RYR3: variants seen among roughly 807,000 people sequenced by gnomAD.
RYR3 encodes the protein ryanodine receptor 3, also known as brain ryanodine receptor-calcium release channel.
RYR3 carries 207 observed loss-of-function variants against 584.3 expected under a neutral mutation model. The observed-to-expected ratio is 0.35, with a 90% CI of 0.32 to 0.40. The LOEUF is 0.40. RYR3 is among the 10% of genes least tolerant of loss of function. The probability of loss-of-function intolerance (pLI) is 1.00; values close to 1 mark genes in which losing one functional copy is unlikely to be tolerated. For missense variants in RYR3, 5,616 were observed against 6,089.2 expected (o/e 0.92, Z 2.59); for synonymous variants, 2,416 against 2,248.5 (o/e 1.07, Z -2.11).
At chr15:33,541,707 CAG>C (rs1194360161) in intron 7 of RYR3, among the ~76,000 whole-genome samples, 1 of 152,152 alleles carries the variant, frequency 6.6e-6, no homozygotes, top group East Asian at 1.9e-4. Flanking sequence ...AGAAGGAAAA[CAG>C]AGTTGTCAAG....
intron 1 of RYR3, among the ~76,000 whole-genome samples, chr15:33,361,207 TCTC>T (rs1401589644): frequency 6.6e-6 from 1 of 152,138 alleles, no homozygotes; most frequent in Non-Finnish European, 1.5e-5. Flanking sequence ...GGATCTCAGT[TCTC>T]CTCTTTGGTA....
intron 1 of RYR3, among the ~76,000 whole-genome samples, chr15:33,462,044 G>A (rs972967338): frequency 1.3e-5 from 2 of 152,206 alleles, no homozygotes; most frequent in Non-Finnish European, 2.9e-5. Context: ...TAAGAAACTA[G>A]TCCTGGACAG....
At chr15:33,339,686 C>G (rs946494316) in intron 1 of RYR3, among the ~76,000 whole-genome samples, 12 of 152,098 alleles carry the variant, frequency 7.9e-5, no homozygotes, top group East Asian at 1.9e-4. Context: ...TCAGGAGATC[C>G]AGACCATCCT....
intron 1 of RYR3, among the ~76,000 whole-genome samples, chr15:33,452,732 C>T (rs1210743993): frequency 6.6e-6 from 1 of 152,062 alleles, no homozygotes; most frequent in Non-Finnish European, 1.5e-5. Context: ...CCAAAAGTTA[C>T]ATGGTGAGGT....
chr15:33,693,393 C>T (rs1308775506), intron 38 of RYR3, among the ~76,000 whole-genome samples: 2 of 152,218 alleles, frequency 1.3e-5, no homozygotes, highest in African/African-American at 4.8e-5. Context: ...AGCCTGGCCT[C>T]CTGGGGCCTC....
At chr15:33,787,616 C>T (rs990459457) in intron 66 of RYR3, among the ~76,000 whole-genome samples, 2 of 152,102 alleles carry the variant, frequency 1.3e-5, no homozygotes, top group South Asian at 2.1e-4. Flanking sequence ...TAGTGATCAC[C>T]CCAGCCTCTT....
intron 19 of RYR3, among the ~76,000 whole-genome samples, chr15:33,614,198 T>C (rs998941486): frequency 6.6e-6 from 1 of 152,208 alleles, no homozygotes; most frequent in Non-Finnish European, 1.5e-5. Context: ...TTTTCAGTCT[T>C]TCATTTATTC....
chr15:33,477,170 A>G (rs1310347095), intron 2 of RYR3, among the ~76,000 whole-genome samples: 1 of 152,174 alleles, frequency 6.6e-6, no homozygotes, highest in African/African-American at 2.4e-5. Context: ...TACAGAGCCT[A>G]CCGGTGACCT....
intron 1 of RYR3, among the ~76,000 whole-genome samples, chr15:33,386,054 C>T (rs1444754124): frequency 6.6e-6 from 1 of 152,044 alleles, no homozygotes; most frequent in Admixed American, 6.5e-5. Flanking sequence ...AAAAACAATC[C>T]TTCTTCAAGA....
intron 1 of RYR3, among the ~76,000 whole-genome samples, chr15:33,327,278 T>TATCA: frequency 6.6e-6 from 1 of 152,288 alleles, no homozygotes; most frequent in South Asian, 2.1e-4. Flanking sequence ...GAAAGTTGAG[T>TATCA]ATCAGCAGCA....
intron 1 of RYR3, among the ~76,000 whole-genome samples, chr15:33,401,019 C>A (rs570355120): frequency 1.3e-5 from 2 of 152,294 alleles, no homozygotes; most frequent in African/African-American, 4.8e-5. Context: ...GGTTCTGTAA[C>A]ATATATTTTC....
At chr15:33,563,435 C>A (rs11637818) in intron 11 of RYR3, among the ~76,000 whole-genome samples, 101,555 of 152,030 alleles carry the variant, frequency 0.67, 34,661 homozygotes, top group Middle Eastern at 0.76. Flanking sequence ...CAGGAACCCA[C>A]TGGCAGAAAG....
intron 1 of RYR3, among the ~76,000 whole-genome samples, chr15:33,427,492 A>G (rs747966725): frequency 4.6e-5 from 7 of 152,188 alleles, no homozygotes; most frequent in Non-Finnish European, 1.0e-4. Flanking sequence ...GCTCACAACT[A>G]CATTTTTTTG....
intron 43 of RYR3, 50 bp from the exon 44 acceptor site, chr15:33,722,665 T>A: frequency 6.6e-7 from 1 of 1,514,546 alleles, no homozygotes. Flanking sequence ...AGAAATAAAT[T>A]CTGGGGTTGT....
intron 2 of RYR3, among the ~76,000 whole-genome samples, chr15:33,476,281 A>G (rs749206321): frequency 1.3e-5 from 2 of 152,218 alleles, no homozygotes; most frequent in Non-Finnish European, 2.9e-5. Context: ...CATAGAAACG[A>G]TAAGTCATAC....
intron 12 of RYR3, 79 bp downstream of exon 12, chr15:33,566,878 T>G (rs2057746158): frequency 6.8e-7 from 1 of 1,470,160 alleles, no homozygotes; most frequent in African/African-American, 1.4e-5. Flanking sequence ...CTCCTTTTGA[T>G]ACTGTGAATG....
intron 5 of RYR3, among the ~76,000 whole-genome samples, chr15:33,535,506 C>T (rs758011097): frequency 2.0e-5 from 3 of 152,140 alleles, no homozygotes; most frequent in Non-Finnish European, 4.4e-5. Flanking sequence ...AAGGTGTTGT[C>T]GACCTTGCTG....
chr15:33,793,577 T>G (rs1163603339), intron 67 of RYR3, among the ~76,000 whole-genome samples: 1 of 152,150 alleles, frequency 6.6e-6, no homozygotes, highest in African/African-American at 2.4e-5. Flanking sequence ...ATTCCACAAG[T>G]TCTAGTAGCT....
chr15:33,714,530 A>G (rs2067351565), intron 43 of RYR3, among the ~76,000 whole-genome samples: 1 of 152,196 alleles, frequency 6.6e-6, no homozygotes, highest in Non-Finnish European at 1.5e-5. Context: ...GGCTAAGCAC[A>G]GATGTGTTTG....
Sources: gnomAD v4.1 joint callset for allele counts (sites outside exome capture counted in the v4.1 genomes callset) on GRCh38, gnomAD v4.1.1 for gene constraint, MANE v1.5 for transcripts, NCBI Gene and HGNC (gene_info 2026-07-23, HGNC 2026-07-21) for gene names.